The following ARAP2 variants were observed in gnomAD, a reference collection of about 807,000 sequenced individuals.
The protein encoded by ARAP2 is ArfGAP with RhoGAP domain, ankyrin repeat and PH domain 2.
A neutral mutation model predicts 194.5 loss-of-function variants in ARAP2; 148 were observed. The ratio of observed to expected loss-of-function variants is 0.76; its 90% CI spans 0.67 to 0.87. The LOEUF (loss-of-function observed/expected upper bound fraction) is 0.87. Ranked by LOEUF, ARAP2 falls within the 40% of genes least tolerant of loss-of-function variation. The pLI, the probability that ARAP2 is intolerant of heterozygous loss-of-function variation, is 0.00. For missense variants in ARAP2, 2,128 were observed against 1,989.7 expected, an observed-to-expected ratio of 1.07 and a Z score of -1.32; for synonymous variants, 695 against 683.5, an observed-to-expected ratio of 1.02 and a Z score of -0.26.
intron 6 of ARAP2, among the ~76,000 whole-genome samples, chr4:36,200,508 G>C (rs901450222): frequency 2.0e-5 from 3 of 152,066 alleles, no homozygotes; most frequent in Admixed American, 6.6e-5. Context: ...AGCTGTCTCG[G>C]CCTCCCAAAG....
At position 36,158,797 on chromosome 4, in the gene ARAP2, G is replaced by C; in HGVS notation, c.2685C>G (p.Leu895=). 1 of 1,612,420 alleles carries C rather than the reference G, an allele frequency of 6.2e-7. No individual in the cohort carries two copies. Among genetic ancestry groups the C allele is most frequent in the Non-Finnish European group, 8.5e-7 (1 of 1,179,272 alleles). ...LSQESSQSTF[L]CDFLYQAPSA... is the part of the protein sequence containing the mutation. ...AAGGAGCTTGATATAAAAAGTCACA[G>C]AGGAATGTGGACTGGGAAGACTCTT... Residue 895 remains leucine (L), a synonymous_variant, in exon 15 of 33, where the codon CTC becomes CTG. Transcript: ENST00000303965.
intron 5 of ARAP2, among the ~76,000 whole-genome samples, chr4:36,021,380 G>A (rs1384309196): frequency 6.6e-6 from 1 of 152,192 alleles, no homozygotes; most frequent in African/African-American, 2.4e-5. Flanking sequence ...TGTTGGAGGT[G>A]GGGCCTGGTG....
intron 27 of ARAP2, among the ~76,000 whole-genome samples, chr4:36,104,311 T>C (rs1206606681): frequency 2.0e-5 from 3 of 151,920 alleles, no homozygotes; most frequent in Non-Finnish European, 4.4e-5. Flanking sequence ...TGAAGAACAG[T>C]TGAGTATTTC....
chr4:36,198,908 A>G (rs963874903), intron 6 of ARAP2, among the ~76,000 whole-genome samples: 20 of 152,056 alleles, frequency 1.3e-4, no homozygotes, highest in Admixed American at 1.3e-3. Flanking sequence ...GAGCACAGGG[A>G]GGCCTGGACT....
At chr4:36,115,619 C>T (rs935783126) in intron 25 of ARAP2, among the ~76,000 whole-genome samples, 5 of 151,922 alleles carry the variant, frequency 3.3e-5, no homozygotes, top group African/African-American at 7.2e-5. Flanking sequence ...GTATACTGAA[C>T]GTCCAGTCGA....
At chr4:36,193,939 T>G (rs2109920649) in intron 6 of ARAP2, among the ~76,000 whole-genome samples, 1 of 152,344 alleles carries the variant, frequency 6.6e-6, no homozygotes, top group East Asian at 1.9e-4. Context: ...ACACTGTCAC[T>G]GAACCCATTT....
chr4:36,025,072 G>A (rs1479708479), intron 5 of ARAP2, among the ~76,000 whole-genome samples: 1 of 152,094 alleles, frequency 6.6e-6, no homozygotes, highest in Non-Finnish European at 1.5e-5. Context: ...ATTCAACTTT[G>A]GCAGGGGGTG....
At chr4:36,073,971 G>A (rs2109319946) in intron 31 of ARAP2, 148 bp from the exon 32 acceptor site, 2 of 1,015,778 alleles carry the variant, frequency 2.0e-6, no homozygotes, top group East Asian at 2.5e-5. Context: ...TGTTGACTCT[G>A]GTGGCAGCAT....
intron 5 of ARAP2, among the ~76,000 whole-genome samples, chr4:36,043,589 G>C (rs897101368): frequency 2.0e-5 from 3 of 151,882 alleles, no homozygotes; most frequent in African/African-American, 7.3e-5. Context: ...GAAGCAAATT[G>C]TCTAAAGCTG....
intron 1 of ARAP2, chr4:36,243,895 T>C (rs1754083066): frequency 6.6e-6 from 1 of 152,198 alleles, no homozygotes; most frequent in African/African-American, 2.4e-5. Flanking sequence ...TATTTAAAGG[T>C]AGGGGAGAGG....
At chr4:36,182,600 T>C (rs10029271) in intron 8 of ARAP2, among the ~76,000 whole-genome samples, 136,684 of 152,188 alleles carry the variant, frequency 0.9, 61,509 homozygotes, top group East Asian at 1. Flanking sequence ...ATAACTGCTC[T>C]GACAAGTACA....
intron 7 of ARAP2, among the ~76,000 whole-genome samples, chr4:36,188,671 A>G (rs762971689): frequency 6.6e-6 from 1 of 152,174 alleles, no homozygotes; most frequent in Middle Eastern, 3.2e-3. Flanking sequence ...GTTTGGATAC[A>G]TCCTTAAGGG....
rs2109297303 is a variant in ARAP2 at position 36,067,732 on chromosome 4, C to T, written c.*175G>A. The T allele has an allele frequency of 1.0e-5, 6 of 594,682 alleles. No homozygotes were observed. The South Asian group carries it at 1.6e-4, about 16-fold the overall frequency. The allele number at this position is 594,682 out of a possible 1,614,324, so 36.8% of individuals were successfully genotyped here. A position where few individuals can be genotyped will look rare whatever the true frequency, so the allele number is the denominator to read the frequency against. ...TCAGACCAAAATAAAGTTAATCTTA[C>T]ATTCAGTCACATATATACATATTTT... On this transcript the variant is annotated 3_prime_UTR_variant, in exon 33 of 33. Transcript: ENST00000303965.
At chr4:36,042,993 C>T (rs1234438023) in intron 5 of ARAP2, among the ~76,000 whole-genome samples, 1 of 152,144 alleles carries the variant, frequency 6.6e-6, no homozygotes, top group South Asian at 2.1e-4. Flanking sequence ...CAGGTGCCCA[C>T]TACCATGCCT....
chr4:36,088,846 G>A (rs1359172080), intron 28 of ARAP2, among the ~76,000 whole-genome samples: 1 of 152,126 alleles, frequency 6.6e-6, no homozygotes, highest in African/African-American at 2.4e-5. Flanking sequence ...AGATGTTAAA[G>A]TCTGGTCTTT....
At chr4:36,110,835 T>G (rs553627558) in intron 26 of ARAP2, among the ~76,000 whole-genome samples, 18 of 152,062 alleles carry the variant, frequency 1.2e-4, no homozygotes, top group Non-Finnish European at 2.1e-4. Flanking sequence ...TACATGATTA[T>G]AGCAATCTGA....
chr4:36,115,651 T>C (rs1364489012), intron 25 of ARAP2, among the ~76,000 whole-genome samples: 1 of 152,020 alleles, frequency 6.6e-6, no homozygotes, highest in Non-Finnish European at 1.5e-5. Flanking sequence ...CCCAGGTTTG[T>C]ATTTCTGGCC....
rs554372395 is a variant in ARAP2 at position 36,170,289 on chromosome 4, C to T, written c.1858-3242G>A. On this transcript the variant is annotated intron_variant, in intron 9 of 32. Transcript: ENST00000303965. Reference sequence around the variant, plus strand: ...AGTATGCAATATGTAACTATCAAGACATAAATACTTCTCTCTTGACCAGGC... The same window carrying T: ...AGTATGCAATATGTAACTATCAAGATATAAATACTTCTCTCTTGACCAGGC... 1.5e-4 allele frequency among the ~76,000 whole-genome samples: 23 copies of T among 152,288 alleles called. No homozygotes were observed. The South Asian group carries it at 4.6e-3, about 30-fold the overall frequency.
At chr4:36,227,010 T>C (rs1480692497) in intron 2 of ARAP2, among the ~76,000 whole-genome samples, 4 of 152,226 alleles carry the variant, frequency 2.6e-5, no homozygotes, top group African/African-American at 9.6e-5. Flanking sequence ...AAAGCTAAAG[T>C]GTCAAACAAA....
Sources: allele counts gnomAD v4.1 joint callset (sites outside exome capture counted in the v4.1 genomes callset), GRCh38; gene constraint gnomAD v4.1.1; transcripts MANE v1.5; gene names NCBI Gene and HGNC (gene_info 2026-07-23, HGNC 2026-07-21).